Variants in TPCN2 observed in about 807,000 individuals in gnomAD.
TPCN2 encodes two pore segment channel 2, also known as two pore channel protein 2.
Under a neutral mutation model 111.4 loss-of-function variants are expected in TPCN2, and 92 were observed. The observed-to-expected ratio is 0.83, with a 90% CI of 0.70 to 0.98. The LOEUF (loss-of-function observed/expected upper bound fraction) is 0.98. Ranked by LOEUF, TPCN2 falls within the 50% of genes least tolerant of loss-of-function variation. The pLI is 0.00. For synonymous variants in TPCN2, 405 were observed against 414.5 expected (o/e 0.98, Z 0.28); for missense variants, 995 against 980.1 (o/e 1.02, Z -0.20).
chr11:69,061,200 C>T (rs555155683), intron 5 of TPCN2, among the ~76,000 whole-genome samples: 3 of 152,142 alleles, frequency 2.0e-5, no homozygotes, highest in Non-Finnish European at 2.9e-5. Flanking sequence ...GAGAGGAGCC[C>T]GGCAGCCCTG....
chr11:69,070,563 G>A, intron 9 of TPCN2, 68 bp downstream of exon 9: 1 of 1,177,112 alleles, frequency 8.5e-7, no homozygotes, highest in Non-Finnish European at 1.2e-6. Context: ...GATACACCCT[G>A]CTGCCTCCAC....
At chr11:69,056,759 C>G (rs1354426182) in intron 4 of TPCN2, among the ~76,000 whole-genome samples, 2 of 152,140 alleles carry the variant, frequency 1.3e-5, no homozygotes, top group Non-Finnish European at 2.9e-5. Flanking sequence ...TCTCGATCTC[C>G]TGACCTTGTG....
chr11:69,068,277 C>T (rs572647720), intron 8 of TPCN2, among the ~76,000 whole-genome samples: 29 of 150,824 alleles, frequency 1.9e-4, no homozygotes, highest in South Asian at 4.2e-4. Context: ...GGAGCAGGAC[C>T]GTCTGAGTCC....
At chr11:69,056,168 C>A (rs991154264) in intron 4 of TPCN2, among the ~76,000 whole-genome samples, 5 of 152,260 alleles carry the variant, frequency 3.3e-5, no homozygotes, top group African/African-American at 1.2e-4. Flanking sequence ...CAGGCCCTGG[C>A]TGCAGCCCTC....
chr11:69,067,297 G>A (rs1442615061), intron 7 of TPCN2, among the ~76,000 whole-genome samples: 3 of 152,264 alleles, frequency 2.0e-5, no homozygotes, highest in African/African-American at 7.2e-5. Context: ...CCATGCGGGT[G>A]AGCGGTCTCC....
At position 69,059,744 on chromosome 11, in the gene TPCN2, G is replaced by A. The variant is rs1854935695; in HGVS notation, c.546+2050G>A. Among the ~76,000 whole-genome samples, 7 of 152,258 alleles carry A rather than the reference G, an allele frequency of 4.6e-5. No homozygotes were observed. The South Asian group carries it at 1.4e-3, about 31-fold the overall frequency. On this transcript the variant is annotated intron_variant, in intron 5 of 24. Coordinates refer to ENST00000294309, the MANE Select transcript of TPCN2 (RefSeq NM_139075.4). ...GGATGGTGCTGGGAGAGGCGTTGGA[G>A]GCAGGGCAGGCAGATTCATAACCTG...
At chr11:69,074,294 G>A (rs755284595) in intron 13 of TPCN2, among the ~76,000 whole-genome samples, 3 of 152,184 alleles carry the variant, frequency 2.0e-5, no homozygotes, top group Admixed American at 6.5e-5. Context: ...TCCTCTTTAG[G>A]GCTGCATTCC....
At chr11:69,082,085 C>T (rs532122035) in intron 18 of TPCN2, among the ~76,000 whole-genome samples, 105 of 152,270 alleles carry the variant, frequency 6.9e-4, no homozygotes, top group African/African-American at 2.5e-3. Flanking sequence ...CTCCTCTGTC[C>T]CCGTTCATCC....
At chr11:69,075,948 T>C (rs1313096301) in intron 13 of TPCN2, among the ~76,000 whole-genome samples, 1 of 152,216 alleles carries the variant, frequency 6.6e-6, no homozygotes, top group South Asian at 2.1e-4. Context: ...GTTACACAGC[T>C]AACATATGAA....
rs760197234 is a variant in TPCN2, at chr11:69,054,033, G to C, written c.110G>C (p.Gly37Ala). 5.6e-6 allele frequency: 9 copies of C among 1,613,728 alleles called. No individual in the cohort carries two copies. The Admixed American group carries it at 1.3e-4, about 24-fold the overall frequency. The change falls in exon 2 of 25, where the codon GGT (glycine) becomes GCT (alanine). Residue 37 changes from glycine (G) to alanine (A), a missense_variant and splice_region_variant. Gly to Ala is a moderately conservative substitution (Grantham distance 60, BLOSUM62 0). Transcript: ENST00000294309. ...CCTGATGTGTCCCCTCTGCCTGCAG[G>C]TGCCGCGGCCAGGTGGGACCTCTGC... ...TTYRSIQVGPGAAARWDLCID... is the reference protein window; with the variant it reads ...TTYRSIQVGPAAAARWDLCID...
chr11:69,073,027 G>T (rs1382741985), intron 13 of TPCN2, 26 bp downstream of exon 13: 1 of 1,571,812 alleles, frequency 6.4e-7, no homozygotes, highest in Admixed American at 1.7e-5. Context: ...GCCGCCCAGG[G>T]TGGATAGTGG....
At chr11:69,081,332 C>G in intron 17 of TPCN2, 68 bp from the exon 18 acceptor site, 1 of 1,096,750 alleles carries the variant, frequency 9.1e-7, no homozygotes, top group Non-Finnish European at 1.3e-6. Context: ...GGAACCCGCG[C>G]GTTTCCTTGT....
At position 69,072,037 on chromosome 11, in the gene TPCN2, A is replaced by C. The variant is rs1177539899; in HGVS notation, c.1061+14A>C. 6.2e-7 allele frequency: 1 copy of C among 1,604,590 alleles called. No individual in the cohort carries two copies. Among genetic ancestry groups the C allele is most frequent in the Non-Finnish European group, 8.5e-7 (1 of 1,172,742 alleles). ...CTTCCCTCAGGCGTGAGTGCTGGGC[A>C]TGGACCCTCTTCTCCCTGAGGGTGG... On this transcript the variant is annotated intron_variant, in intron 11 of 24. Transcript: ENST00000294309.
intron 13 of TPCN2, among the ~76,000 whole-genome samples, 167 bp downstream of exon 13, chr11:69,073,168 A>G (rs889172985): frequency 6.6e-6 from 1 of 152,082 alleles, no homozygotes; most frequent in African/African-American, 2.4e-5. Flanking sequence ...GCTCTTGGAG[A>G]CTGGGGAGAT....
At chr11:69,060,577 G>A (rs1854977163) in intron 5 of TPCN2, among the ~76,000 whole-genome samples, 1 of 152,200 alleles carries the variant, frequency 6.6e-6, no homozygotes, top group Non-Finnish European at 1.5e-5. Context: ...GGCTTGACTG[G>A]CATTGTGGTT....
At chr11:69,074,561 G>A (rs1855672847) in intron 13 of TPCN2, among the ~76,000 whole-genome samples, 1 of 133,680 alleles carries the variant, frequency 7.5e-6, no homozygotes, top group Non-Finnish European at 1.7e-5. Context: ...TCCTAGGGGC[G>A]GAGCTGTTTG....
At chr11:69,050,320 GGTC>G (rs1177417390) in intron 1 of TPCN2, among the ~76,000 whole-genome samples, 1 of 152,184 alleles carries the variant, frequency 6.6e-6, no homozygotes, top group Non-Finnish European at 1.5e-5. Context: ...TGTGTCTAGG[GGTC>G]TGGGCGCCTT....
At chr11:69,084,051 C>T (rs1856160693) in intron 19 of TPCN2, 35 bp downstream of exon 19, 1 of 1,604,666 alleles carries the variant, frequency 6.2e-7, no homozygotes, top group Non-Finnish European at 8.5e-7. Context: ...GCGGGTTATG[C>T]ACTGGAGTGG....
chr11:69,060,258 C>T (rs755857239), intron 5 of TPCN2, among the ~76,000 whole-genome samples: 23 of 152,248 alleles, frequency 1.5e-4, no homozygotes, highest in Non-Finnish European at 2.4e-4. Flanking sequence ...CTGCAGCATC[C>T]GTGCAGCGCT....
Sources: gnomAD v4.1 joint callset for allele counts (sites outside exome capture counted in the v4.1 genomes callset) on GRCh38, gnomAD v4.1.1 for gene constraint, MANE v1.5 for transcripts, NCBI Gene and HGNC (gene_info 2026-07-23, HGNC 2026-07-21) for gene names.